PSG6: variants seen among roughly 807,000 people sequenced by gnomAD.
PSG6 encodes the protein pregnancy specific beta-1-glycoprotein 6.
In PSG6, 51 loss-of-function variants were observed where a neutral mutation model predicts 43.3. The observed-to-expected ratio is 1.18, with a 90% confidence interval of 0.94 to 1.49. The LOEUF (loss-of-function observed/expected upper bound fraction) is 1.49, where lower values mean the gene tolerates loss of function less well. Among genes scored for constraint, PSG6 ranks in the 40% most tolerant of loss-of-function variants. The pLI is 0.00. For missense variants in PSG6, 770 were observed against 522.2 expected, an observed-to-expected ratio of 1.47 and a Z score of -4.62; for synonymous variants, 292 against 197.6, an observed-to-expected ratio of 1.48 and a Z score of -4.01.
At chr19:42,912,649 A>G (rs1344104631) in intron 2 of PSG6, among the ~76,000 whole-genome samples, 1 of 151,852 alleles carries the variant, frequency 6.6e-6, no homozygotes, top group Non-Finnish European at 1.5e-5. Context: ...GAGTTACAAA[A>G]CATGGGGAGG....
At chr19:42,902,469 C>T in intron 5 of PSG6, 23 bp from the exon 6 acceptor site, 2 of 1,608,190 alleles carry the variant, frequency 1.2e-6, no homozygotes, top group Admixed American at 1.7e-5. Flanking sequence ...AGGCCCAGGT[C>T]AGCGCATTTC....
chr19:42,910,900 T>C (rs772868221), intron 2 of PSG6, 42 bp from the exon 3 acceptor site: 1 of 1,562,934 alleles, frequency 6.4e-7, no homozygotes, highest in Non-Finnish European at 8.7e-7. Flanking sequence ...TGTGGCACCT[T>C]TGATTCCTCC....
intron 2 of PSG6, among the ~76,000 whole-genome samples, chr19:42,913,315 TAATTTTTTG>T (rs1972263333): frequency 6.6e-6 from 1 of 151,596 alleles, no homozygotes; most frequent in African/African-American, 2.4e-5. Flanking sequence ...CATGCCCAGC[TAATTTTTTG>T]TATTTTTAGT....
rs112686428 is a variant in PSG6, at chr19:42,909,957, C to G, written c.706+623G>C. On this transcript the variant is annotated intron_variant, in intron 3 of 5. Transcript: ENST00000187910. ...CCTCTTGATTATGAGATTTGTTCCA[C>G]CAGTGGCTGAGTTATGGATGAAACA... 902 of 156,956 alleles carry G rather than the reference C, an allele frequency of 5.7e-3. 16 individuals carry two copies. Among genetic ancestry groups the G allele is most frequent in the African/African-American group, 0.02 (813 of 41,506 alleles). The allele number at this position is 156,956 out of a possible 1,614,324, so 9.7% of individuals were successfully genotyped here. A position where few individuals can be genotyped will look rare whatever the true frequency, so the allele number is the denominator to read the frequency against.
At position 42,906,990 on chromosome 19, in the gene PSG6, T is replaced by C. The variant is rs772927545; in HGVS notation, c.1172A>G (p.Tyr391Cys). ...PQITTNHSGL[Y>C]ACSVRNSATG... ...GGCTGAGTTACGAACAGAGCAAGCA[T>C]AGAGCCCGCTATGATTTGTAGTAAT... Residue 391 changes from tyrosine (Y) to cysteine (C), a missense_variant, in exon 5 of 6, where the codon TAT (tyrosine) becomes TGT (cysteine). Transcript: ENST00000187910. 27 of 1,612,348 alleles carry C rather than the reference T, an allele frequency of 1.7e-5. 1 individual carries two copies. The highest frequency in any genetic ancestry group is 2.2e-5 in the Non-Finnish European group (26 of 1,179,118).
Position 42,908,062 on chromosome 19 carries a change from T to C in PSG6, c.707-208A>G, listed in dbSNP as rs1042799491. 1.7e-5 allele frequency: 15 copies of C among 863,698 alleles called. No homozygotes were observed. The African/African-American group carries it at 2.4e-4, about 14-fold the overall frequency. The allele number at this position is 863,698 out of a possible 1,614,324, so 53.5% of individuals were successfully genotyped here. ...CTCTGTCTTAGGGAAGCACAGACTT[T>C]CTCAAGTGTCAATTGAGCAGCAGTG... On this transcript the variant is annotated intron_variant, in intron 3 of 5. Transcript: ENST00000187910.
At chr19:42,903,549 T>C (rs1487936627) in intron 5 of PSG6, 34 of 1,350,396 alleles carry the variant, frequency 2.5e-5, no homozygotes, top group Middle Eastern at 2.8e-4. Context: ...AACCATTAAC[T>C]AGATTGGCTA....
rs1972046987 is a variant in PSG6, at chr19:42,902,330, A to G, written c.*82T>C. On this transcript the variant is annotated 3_prime_UTR_variant, in exon 6 of 6. Coordinates refer to ENST00000187910, the MANE Select transcript of PSG6 (RefSeq NM_001031850.4). ...CCTTTTGATTATTTAGTCCAATAAC[A>G]TTGAGTTTTTTTCTTCTTTGTCTTG... 25 of 1,508,762 alleles carry G rather than the reference A, an allele frequency of 1.7e-5. 3 individuals carry two copies. Among genetic ancestry groups the G allele is most frequent in the Middle Eastern group, 3.5e-4 (2 of 5,764 alleles). The allele number at this position is 1,508,762 out of a possible 1,614,324, so 93.5% of individuals were successfully genotyped here.
At chr19:42,911,070 T>C (rs958479290) in intron 2 of PSG6, among the ~76,000 whole-genome samples, 6 of 151,464 alleles carry the variant, frequency 4.0e-5, no homozygotes, top group Non-Finnish European at 7.4e-5. Context: ...GCATGGACTT[T>C]CTCAAATGTG....
intron 3 of PSG6, chr19:42,910,253 C>G (rs562422266): frequency 9.4e-6 from 5 of 529,714 alleles, no homozygotes; most frequent in African/African-American, 3.8e-5. Flanking sequence ...GACACAGTCA[C>G]AGTGACCCTG....
chr19:42,903,507 T>C lies in PSG6; in HGVS notation c.1241-1061A>G, dbSNP rs1438538927. On this transcript the variant is annotated intron_variant, in intron 5 of 5. Transcript: ENST00000187910. ...AGAGGAAATTACTGAAACCAAAAGT[T>C]GATTCTTCAAAATAAAATCAACAAA... The C allele has an allele frequency of 8.9e-6, 10 of 1,118,060 alleles. No individual in the cohort carries two copies. The African/African-American group carries it at 1.6e-4, about 18-fold the overall frequency. 69.3% of individuals were successfully genotyped at this position (1,118,060 alleles called of 1,614,324 possible). A position where few individuals can be genotyped will look rare whatever the true frequency, so the allele number is the denominator to read the frequency against.
Position 42,908,327 on chromosome 19 carries a change from C to A in PSG6, c.707-473G>T, listed in dbSNP as rs552547351. 4.5e-3 allele frequency among the ~76,000 whole-genome samples: 676 copies of A among 151,808 alleles called. 13 individuals are homozygous for A. The highest frequency in any genetic ancestry group is 0.015 in the African/African-American group (603 of 41,380). ...GACTTCCCATTGTCCTGAAACCCTG[C>A]AGATACTGAGCAGCCTGGCCTGGGA... On this transcript the variant is annotated intron_variant, in intron 3 of 5. Transcript: ENST00000187910.
chr19:42,902,876 A>G (rs1972057174), intron 5 of PSG6, among the ~76,000 whole-genome samples: 1 of 151,428 alleles, frequency 6.6e-6, no homozygotes, highest in Non-Finnish European at 1.5e-5. Context: ...GTCAGTAACC[A>G]TGTCCTAGTG....
chr19:42,913,024 T>G (rs1221633194), intron 2 of PSG6, among the ~76,000 whole-genome samples: 2 of 151,726 alleles, frequency 1.3e-5, no homozygotes, highest in Admixed American at 1.3e-4. Context: ...TGTTCCGCTT[T>G]TTTTCCCCAC....
Position 42,916,357 on chromosome 19 carries a change from G to A in PSG6, c.195C>T (p.Tyr65=), listed in dbSNP as rs879046556. 38 of 1,612,048 alleles carry A rather than the reference G, an allele frequency of 2.4e-5. No individual in the cohort carries two copies. The highest frequency in any genetic ancestry group is 3.1e-5 in the Non-Finnish European group (36 of 1,179,156). The change falls in exon 2 of 6, where the codon TAC becomes TAT. Residue 65 remains tyrosine, a synonymous_variant. Transcript: ENST00000187910. ...VHNLPQNLTG[Y]IWYKGQMTDL... is the part of the protein sequence containing the mutation. ...CCGTCATTTGCCCTTTGTACCAGATGTAGCCAGTAAGATTCTGGGGCAAAT... is the reference window on the plus strand; with the variant it reads ...CCGTCATTTGCCCTTTGTACCAGATATAGCCAGTAAGATTCTGGGGCAAAT...
intron 3 of PSG6, among the ~76,000 whole-genome samples, chr19:42,908,855 C>T (rs985156982): frequency 2.6e-5 from 4 of 151,626 alleles, no homozygotes; most frequent in Non-Finnish European, 5.9e-5. Flanking sequence ...TAAGTTGATT[C>T]CAGATTGAAT....
At chr19:42,917,692 C>G in intron 1 of PSG6, 37 bp downstream of exon 1, 1 of 1,605,622 alleles carries the variant, frequency 6.2e-7, no homozygotes, top group Non-Finnish European at 8.5e-7. Context: ...CACTCTGCTT[C>G]CTCCTCCTGT....
In PSG6 at chr19:42,904,060, A is replaced by G. The variant is rs1423327764; in HGVS notation, c.1241-1614T>C. ...AACACACAAAAATATGAATATAACT[A>G]TAATCAGTAAGAAGATTGAATCAAT... On this transcript the variant is annotated intron_variant, in intron 5 of 5. Transcript: ENST00000187910. Among the ~76,000 whole-genome samples the G allele has an allele frequency of 2.0e-5, 3 of 151,814 alleles. 1 individual carries two copies. The highest frequency in any genetic ancestry group is 7.3e-5 in the African/African-American group (3 of 41,336).
At chr19:42,912,664 CA>C (rs1416166542) in intron 2 of PSG6, among the ~76,000 whole-genome samples, 1 of 151,786 alleles carries the variant, frequency 6.6e-6, no homozygotes, top group Admixed American at 6.6e-5. Flanking sequence ...GGGAGGACCC[CA>C]AAACAGGTAT....
Sources: gnomAD v4.1 joint callset for allele counts (sites outside exome capture counted in the v4.1 genomes callset) on GRCh38, gnomAD v4.1.1 for gene constraint, MANE v1.5 for transcripts, NCBI Gene and HGNC (gene_info 2026-07-23, HGNC 2026-07-21) for gene names.